Variants in ATG10 observed in about 807,000 individuals in gnomAD.
ATG10 encodes ubiquitin-like-conjugating enzyme ATG10.
A neutral mutation model predicts 32.1 loss-of-function variants in ATG10; 30 were observed. That is an observed-to-expected ratio of 0.94 (90% CI 0.70 to 1.27). ATG10 has a LOEUF of 1.27. ATG10 is among the 50% of genes most tolerant of loss of function. The pLI is 0.00. For synonymous variants in ATG10, 87 were observed against 91.5 expected, an observed-to-expected ratio of 0.95 and a Z score of 0.28; for missense variants, 233 against 262.3, an observed-to-expected ratio of 0.89 and a Z score of 0.77.
intron 1 of ATG10, among the ~76,000 whole-genome samples, chr5:81,975,027 T>C (rs1281594244): frequency 6.6e-6 from 1 of 152,210 alleles, no homozygotes; most frequent in East Asian, 1.9e-4. Flanking sequence ...GTCAAATTAC[T>C]ACACTTAACA....
chr5:82,053,666 T>G (rs966058428), intron 2 of ATG10, among the ~76,000 whole-genome samples: 1 of 152,316 alleles, frequency 6.6e-6, no homozygotes, highest in South Asian at 2.1e-4. Context: ...AGTATTCTCT[T>G]TATAATGAAA....
intron 5 of ATG10, among the ~76,000 whole-genome samples, chr5:82,246,559 A>C (rs1747045484): frequency 6.6e-6 from 1 of 151,834 alleles, no homozygotes; most frequent in African/African-American, 2.4e-5. Flanking sequence ...AAATTATTTA[A>C]AAAATAAAAT....
intron 2 of ATG10, among the ~76,000 whole-genome samples, chr5:82,023,933 G>T (rs1482194735): frequency 6.6e-6 from 1 of 152,200 alleles, no homozygotes; most frequent in Non-Finnish European, 1.5e-5. Flanking sequence ...GAGAAGTTTG[G>T]TCTCAGATCT....
intron 3 of ATG10, among the ~76,000 whole-genome samples, chr5:82,117,380 T>C (rs1765849535): frequency 6.6e-6 from 1 of 152,106 alleles, no homozygotes; most frequent in African/African-American, 2.4e-5. Flanking sequence ...AGAACCAGAT[T>C]TTTAAAAATT....
At position 82,095,461 on chromosome 5, in the gene ATG10, T is replaced by C. The variant is rs557357492; in HGVS notation, c.216+36859T>C. 5.3e-5 allele frequency among the ~76,000 whole-genome samples: 8 copies of C among 152,280 alleles called. No homozygotes were observed. The South Asian group carries it at 1.7e-3, about 32-fold the overall frequency. ...AGTTTTTACCAGGCATAAAATCCAC[T>C]TGGATTATGGGATGAGTTTATTATT... On this transcript the variant is annotated intron_variant, in intron 3 of 7. Coordinates refer to ENST00000282185, the MANE Select transcript of ATG10 (RefSeq NM_031482.5).
intron 3 of ATG10, among the ~76,000 whole-genome samples, chr5:82,138,404 G>A (rs1766860613): frequency 6.6e-6 from 1 of 152,220 alleles, no homozygotes; most frequent in African/African-American, 2.4e-5. Context: ...AAGACGGTGG[G>A]AAGAGCATAG....
chr5:82,209,913 T>A (rs1325599001), intron 5 of ATG10, among the ~76,000 whole-genome samples: 1 of 152,232 alleles, frequency 6.6e-6, no homozygotes, highest in Non-Finnish European at 1.5e-5. Context: ...TGAATTTTTT[T>A]CCTGACCAGT....
At chr5:82,002,064 A>T (rs531038111) in intron 2 of ATG10, among the ~76,000 whole-genome samples, 1 of 152,242 alleles carries the variant, frequency 6.6e-6, no homozygotes, top group Non-Finnish European at 1.5e-5. Flanking sequence ...TCATTAGAGA[A>T]ATGTAAATCA....
At chr5:82,228,128 G>A (rs947545240) in intron 5 of ATG10, among the ~76,000 whole-genome samples, 3 of 151,670 alleles carry the variant, frequency 2.0e-5, no homozygotes, top group East Asian at 1.9e-4. Context: ...GATCGCTTGA[G>A]CCTGAGAGGT....
chr5:82,168,758 C>T (rs754421252), intron 4 of ATG10, among the ~76,000 whole-genome samples: 4 of 152,160 alleles, frequency 2.6e-5, no homozygotes, highest in South Asian at 2.1e-4. Flanking sequence ...CTAAGATAAA[C>T]GCCATGATAA....
At chr5:82,171,298 AAC>A (rs1403024938) in intron 4 of ATG10, among the ~76,000 whole-genome samples, 30 of 152,230 alleles carry the variant, frequency 2.0e-4, no homozygotes, top group African/African-American at 7.0e-4. Flanking sequence ...AATAGATTGT[AAC>A]ACACATAAAC....
intron 2 of ATG10, among the ~76,000 whole-genome samples, chr5:82,006,681 A>G (rs568813060): frequency 2.6e-5 from 4 of 152,322 alleles, no homozygotes; most frequent in South Asian, 4.1e-4. Flanking sequence ...ATGTAAATTT[A>G]CCATCTTAAC....
At chr5:82,114,371 T>C (rs1015587635) in intron 3 of ATG10, among the ~76,000 whole-genome samples, 7 of 152,004 alleles carry the variant, frequency 4.6e-5, no homozygotes, top group African/African-American at 1.7e-4. Context: ...AATGACACTG[T>C]CTTCTCATCT....
intron 3 of ATG10, among the ~76,000 whole-genome samples, chr5:82,070,428 A>T (rs1764091971): frequency 6.6e-6 from 1 of 152,160 alleles, no homozygotes; most frequent in South Asian, 2.1e-4. Context: ...GAAGCATTTC[A>T]CCCTCAGCCT....
At chr5:82,243,847 T>C (rs921158581) in intron 5 of ATG10, among the ~76,000 whole-genome samples, 4 of 152,146 alleles carry the variant, frequency 2.6e-5, no homozygotes, top group African/African-American at 9.7e-5. Flanking sequence ...ACATATACTT[T>C]ATGTATAGCC....
At chr5:82,055,425 G>T (rs1042703533) in intron 2 of ATG10, among the ~76,000 whole-genome samples, 3 of 152,050 alleles carry the variant, frequency 2.0e-5, no homozygotes, top group African/African-American at 7.2e-5. Flanking sequence ...AATTTATTTA[G>T]ATTTTATAAC....
At chr5:81,983,464 AC>A (rs1171471594) in intron 1 of ATG10, among the ~76,000 whole-genome samples, 3 of 50,224 alleles carry the variant, frequency 6.0e-5, no homozygotes, top group East Asian at 5.1e-4. Flanking sequence ...CGGGGGTCTG[AC>A]CCCCCCCACC....
At chr5:82,214,939 C>T (rs1745620916) in intron 5 of ATG10, among the ~76,000 whole-genome samples, 1 of 152,180 alleles carries the variant, frequency 6.6e-6, no homozygotes, top group African/African-American at 2.4e-5. Context: ...ATAAGAGGCT[C>T]CTGTTAAATA....
rs1003861860 is a variant in ATG10, at chr5:82,075,664, G to T, written c.216+17062G>T. ...AAAAATGTCTGTGTAGGTCAGGTGC[G>T]CTGGCTCATGCCTGTAATCCCAGCA... On this transcript the variant is annotated intron_variant, in intron 3 of 7. Coordinates refer to ENST00000282185, the MANE Select transcript of ATG10 (RefSeq NM_031482.5). Among the ~76,000 whole-genome samples the T allele has an allele frequency of 2.0e-5, 3 of 151,968 alleles. No homozygotes were observed. The South Asian group carries it at 6.2e-4, about 32-fold the overall frequency.
Sources: allele counts gnomAD v4.1 joint callset (sites outside exome capture counted in the v4.1 genomes callset), GRCh38; gene constraint gnomAD v4.1.1; transcripts MANE v1.5; gene names NCBI Gene and HGNC (gene_info 2026-07-23, HGNC 2026-07-21).